RERG: variants seen among roughly 807,000 people sequenced by gnomAD.
The protein encoded by RERG is RAS like estrogen regulated growth inhibitor.
RERG carries 25 observed loss-of-function variants against 23.2 expected under a neutral mutation model. That is an observed-to-expected ratio of 1.08 (90% CI 0.79 to 1.50). The LOEUF is 1.50. Ranked by LOEUF, RERG falls within the 40% of genes most tolerant of loss-of-function variation. RERG has a pLI of 0.00. For synonymous variants in RERG, 81 were observed against 89.1 expected (o/e 0.91, Z 0.51); for missense variants, 253 against 250.1 (o/e 1.01, Z -0.08).
At chr12:15,121,159 T>C in intron 2 of RERG, 40 bp from the exon 3 acceptor site, 2 of 1,520,606 alleles carry the variant, frequency 1.3e-6, no homozygotes, top group Non-Finnish European at 9.1e-7. Context: ...AATAATTTGT[T>C]AATTTGCTTA....
At chr12:15,158,342 T>A (rs1387240216) in intron 2 of RERG, among the ~76,000 whole-genome samples, 2 of 152,090 alleles carry the variant, frequency 1.3e-5, no homozygotes, top group Non-Finnish European at 2.9e-5. Context: ...AACACAGTGT[T>A]ATGATCTTGG....
rs750828196 is a variant in RERG, at chr12:15,109,229, A to G, written c.481T>C (p.Tyr161His). ...CGACGCACCTCTCGACACAATTCAT[A>G]GAATATCTCTGTGATGTTCCCTTCT... ...TGEGNITEIF[Y>H]ELCREVRRRR... The change falls in exon 5 of 5, where the codon TAT (tyrosine) becomes CAT (histidine). Residue 161 changes from tyrosine (Y) to histidine (H), a missense_variant. Tyr to His is a moderately conservative substitution (Grantham distance 83). Coordinates refer to ENST00000256953, the MANE Select transcript of RERG (RefSeq NM_032918.3). 6.2e-7 allele frequency: 1 copy of G among 1,614,168 alleles called. No individual in the cohort carries two copies. The highest frequency in any genetic ancestry group is 1.7e-5 in the Admixed American group (1 of 60,024).
At chr12:15,183,260 T>A (rs935298992) in intron 2 of RERG, among the ~76,000 whole-genome samples, 2 of 152,136 alleles carry the variant, frequency 1.3e-5, no homozygotes, top group African/African-American at 4.8e-5. Flanking sequence ...TTCCCATGCA[T>A]GATATCATTT....
intron 2 of RERG, among the ~76,000 whole-genome samples, chr12:15,132,197 T>A (rs1287241133): frequency 6.6e-6 from 1 of 152,172 alleles, no homozygotes. Flanking sequence ...TATTTAGGAA[T>A]CATTTCCAGT....
At chr12:15,203,487 G>A (rs1261776536) in intron 2 of RERG, among the ~76,000 whole-genome samples, 1 of 151,596 alleles carries the variant, frequency 6.6e-6, no homozygotes, top group Admixed American at 6.6e-5. Context: ...GAAAATCAAA[G>A]CTATTTTTCT....
In RERG at chr12:15,111,370, T is replaced by C. The variant is rs888383665; in HGVS notation, c.166A>G (p.Met56Val). ...QATIDDEVVS[M>V]EILDTAGQED... ...TGACCAGCAGTGTCTAGTATCTCCATGGAAACAACTTCATCATCGATGGTT... is the reference window on the plus strand; with the variant it reads ...TGACCAGCAGTGTCTAGTATCTCCACGGAAACAACTTCATCATCGATGGTT... Residue 56 changes from methionine to valine, a missense_variant, in exon 4 of 5, where the codon ATG becomes GTG. Coordinates refer to ENST00000256953, the MANE Select transcript of RERG (RefSeq NM_032918.3). 9 of 1,613,402 alleles carry C rather than the reference T, an allele frequency of 5.6e-6. No individual in the cohort carries two copies. The highest frequency in any genetic ancestry group is 7.6e-6 in the Non-Finnish European group (9 of 1,179,526).
At chr12:15,138,259 T>C (rs909346736) in intron 2 of RERG, 2 of 163,836 alleles carry the variant, frequency 1.2e-5, no homozygotes, top group South Asian at 1.6e-4. Flanking sequence ...ACTTCTCTTA[T>C]TTCCTATTTC....
chr12:15,113,246 C>A (rs558758830), intron 3 of RERG, among the ~76,000 whole-genome samples: 1 of 151,984 alleles, frequency 6.6e-6, no homozygotes, highest in Non-Finnish European at 1.5e-5. Flanking sequence ...AGGTATTCAA[C>A]TCAATAAATT....
intron 2 of RERG, among the ~76,000 whole-genome samples, chr12:15,198,910 T>C (rs1337384939): frequency 6.6e-6 from 1 of 152,186 alleles, no homozygotes; most frequent in Non-Finnish European, 1.5e-5. Flanking sequence ...CCCAATAATC[T>C]AGGGTCACTT....
At chr12:15,129,597 A>C (rs1274962225) in intron 2 of RERG, among the ~76,000 whole-genome samples, 1 of 152,118 alleles carries the variant, frequency 6.6e-6, no homozygotes, top group Admixed American at 6.6e-5. Flanking sequence ...GCTAAGCCAT[A>C]AGCTGAGTCT....
intron 2 of RERG, among the ~76,000 whole-genome samples, chr12:15,164,438 A>G (rs148074405): frequency 6.6e-6 from 1 of 152,328 alleles, no homozygotes; most frequent in Non-Finnish European, 1.5e-5. Flanking sequence ...TCCAAGGGAC[A>G]TGAACAAGGC....
chr12:15,122,305 G>C (rs1863846890), intron 2 of RERG, among the ~76,000 whole-genome samples: 1 of 152,126 alleles, frequency 6.6e-6, no homozygotes, highest in Non-Finnish European at 1.5e-5. Context: ...GATACTCCTT[G>C]AAGAAATAAA....
At chr12:15,117,537 G>A (rs942497304) in intron 3 of RERG, among the ~76,000 whole-genome samples, 3 of 152,072 alleles carry the variant, frequency 2.0e-5, no homozygotes, top group African/African-American at 4.8e-5. Flanking sequence ...TGGGTCTAAC[G>A]TCTCCTCATT....
chr12:15,145,957 C>T (rs1263439426), intron 2 of RERG, among the ~76,000 whole-genome samples: 2 of 152,198 alleles, frequency 1.3e-5, no homozygotes, highest in East Asian at 1.9e-4. Context: ...GCACCAGACA[C>T]ATGAACCCAT....
intron 2 of RERG, among the ~76,000 whole-genome samples, chr12:15,166,504 G>A (rs1864690431): frequency 6.9e-6 from 1 of 145,444 alleles, no homozygotes; most frequent in Admixed American, 6.9e-5. Flanking sequence ...TGATGATGGG[G>A]ATGGTGGTGA....
intron 2 of RERG, among the ~76,000 whole-genome samples, chr12:15,161,226 G>GAAAGAAAC (rs1565524246): frequency 3.2e-4 from 39 of 123,532 alleles, no homozygotes; most frequent in South Asian, 2.8e-3. Flanking sequence ...AAGAAAGAAA[G>GAAAGAAAC]AAACAGGGGC....
At chr12:15,190,878 T>A (rs140092986) in intron 2 of RERG, among the ~76,000 whole-genome samples, 1 of 152,138 alleles carries the variant, frequency 6.6e-6, no homozygotes, top group Non-Finnish European at 1.5e-5. Flanking sequence ...CCAGTTGGGA[T>A]TGCAGCCTCT....
intron 2 of RERG, among the ~76,000 whole-genome samples, chr12:15,143,813 T>C (rs938818542): frequency 6.6e-6 from 1 of 152,142 alleles, no homozygotes; most frequent in African/African-American, 2.4e-5. Context: ...ATTTGATTGG[T>C]ATCTTATTTT....
intron 2 of RERG, among the ~76,000 whole-genome samples, chr12:15,131,516 C>A (rs182938250): frequency 6.6e-6 from 1 of 152,188 alleles, no homozygotes; most frequent in Admixed American, 6.5e-5. Flanking sequence ...GAAAGAAATA[C>A]TTATGATGTT....
Sources: allele counts gnomAD v4.1 joint callset (sites outside exome capture counted in the v4.1 genomes callset), GRCh38; gene constraint gnomAD v4.1.1; transcripts MANE v1.5; gene names NCBI Gene and HGNC (gene_info 2026-07-23, HGNC 2026-07-21).